Variants in BFSP1 observed in about 807,000 individuals in gnomAD.
The protein encoded by BFSP1 is filensin.
In BFSP1, 38 loss-of-function variants were observed where a neutral mutation model predicts 43.9. The observed-to-expected ratio is 0.87, with a 90% CI of 0.67 to 1.14. The LOEUF (loss-of-function observed/expected upper bound fraction) is 1.14, where lower values mean the gene tolerates loss of function less well. BFSP1 is among the 50% of genes most tolerant of loss of function. The pLI is 0.00. For missense variants in BFSP1, 850 were observed against 875.1 expected, an observed-to-expected ratio of 0.97 and a Z score of 0.36; for synonymous variants, 352 against 354.8, an observed-to-expected ratio of 0.99 and a Z score of 0.09.
chr20:17,514,721 CT>C lies in BFSP1; in HGVS notation c.533del (p.Lys178ArgfsTer26). The C allele has an allele frequency of 6.2e-7, 1 of 1,613,798 alleles. No individual in the cohort carries two copies. The highest frequency in any genetic ancestry group is 2.2e-5 in the East Asian group (1 of 44,862). On this transcript the variant is annotated frameshift_variant and splice_region_variant, in exon 3 of 8. Coordinates refer to ENST00000377873, the MANE Select transcript of BFSP1 (RefSeq NM_001195.5). LOFTEE classifies it high-confidence loss of function. ...DISAAKDRHK[K>X]NLLEVQTYIS... ...AAGGGCTTCAAGGGGTCATGATTAC[CT>C]TCTTGTGCCTGTCCTTTGCCGCACT...
chr20:17,506,102 G>C (rs1161062256), intron 5 of BFSP1, among the ~76,000 whole-genome samples: 2 of 152,164 alleles, frequency 1.3e-5, no homozygotes, highest in African/African-American at 4.8e-5. Flanking sequence ...TTCAGAGTTC[G>C]CTGCCGGCTC....
intron 1 of BFSP1, chr20:17,540,974 C>T (rs1296097795): frequency 2.6e-5 from 4 of 152,234 alleles, no homozygotes; most frequent in African/African-American, 9.6e-5. Context: ...TCTCATTCAG[C>T]AACTAGTTAA....
chr20:17,527,034 A>C (rs901258426), intron 1 of BFSP1, among the ~76,000 whole-genome samples: 16 of 152,274 alleles, frequency 1.1e-4, no homozygotes, highest in African/African-American at 3.9e-4. Context: ...AAGGTGCTAG[A>C]AAACCACACC....
intron 1 of BFSP1, among the ~76,000 whole-genome samples, chr20:17,549,426 C>T (rs1251757762): frequency 1.3e-5 from 2 of 152,126 alleles, no homozygotes; most frequent in Non-Finnish European, 2.9e-5. Flanking sequence ...GGGGCAAGCA[C>T]GTTTTACATC....
chr20:17,531,285 G>T lies in BFSP1; in HGVS notation c.45C>A (p.Tyr15Ter), dbSNP rs2034534120. The change falls in exon 1 of 8, where the codon TAC becomes TAA. Residue 15 changes from tyrosine (Y) to a stop codon, truncating the protein, a stop_gained. Coordinates refer to ENST00000377873, the MANE Select transcript of BFSP1 (RefSeq NM_001195.5). LOFTEE classifies it high-confidence loss of function. ...SYVFQTRKEQYEHADEASRAA... is the reference protein window; with the variant it reads ...SYVFQTRKEQ The stretch of plus-strand genomic sequence containing the variant: ...CGCGCGAAGCCTCGTCGGCGTGCTC[G>T]TACTGCTCCTTGCGGGTCTGGAAGA... 1.4e-6 allele frequency: 2 copies of T among 1,474,536 alleles called. No homozygotes were observed. Among genetic ancestry groups the T allele is most frequent in the South Asian group, 1.3e-5 (1 of 77,258 alleles). The allele number at this position is 1,474,536 out of a possible 1,614,324, so 91.3% of individuals were successfully genotyped here.
chr20:17,516,838 C>A, intron 2 of BFSP1: 1 of 623,864 alleles, frequency 1.6e-6, no homozygotes, highest in Non-Finnish European at 2.9e-6. Flanking sequence ...GGAGCTGCCA[C>A]CAAAATGCAG....
intron 1 of BFSP1, among the ~76,000 whole-genome samples, chr20:17,542,332 G>A (rs1023354256): frequency 6.6e-6 from 1 of 151,008 alleles, no homozygotes; most frequent in African/African-American, 2.4e-5. Context: ...GCTCATGCCT[G>A]TAATCCCTGC....
At position 17,531,214 on chromosome 20, in the gene BFSP1, G is replaced by A. The variant is rs761174568; in HGVS notation, c.116C>T (p.Thr39Met). The change falls in exon 1 of 8, where the codon ACG becomes ATG. Residue 39 changes from threonine to methionine, a missense_variant. Transcript: ENST00000377873. ...RPADEGWAGA[T>M]SLAALQGLGE... is the part of the protein sequence containing the mutation. ...GAGCCCCTGCAGCGCCGCCAGGCTC[G>A]TTGCCCCAGCCCAGCCCTCGTCGGC... The A allele has an allele frequency of 7.5e-7, 1 of 1,330,324 alleles. No homozygotes were observed. The highest frequency in any genetic ancestry group is 9.6e-7 in the Non-Finnish European group (1 of 1,041,180). 82.4% of individuals were successfully genotyped at this position (1,330,324 alleles called of 1,614,324 possible).
At position 17,507,932 on chromosome 20, in the gene BFSP1, C is replaced by T. The variant is rs73900902; in HGVS notation, c.735+957G>A. Among the ~76,000 whole-genome samples the T allele has an allele frequency of 1.3e-3, 194 of 152,210 alleles. No homozygotes were observed. The highest frequency in any genetic ancestry group is 4.5e-3 in the African/African-American group (185 of 41,534). ...TGGGATGGGAATTAGGATGTGAACT[C>T]CAAGGTCCCAAAATGAAATCCTGAG... On this transcript the variant is annotated intron_variant, in intron 5 of 7. Coordinates refer to ENST00000377873, the MANE Select transcript of BFSP1 (RefSeq NM_001195.5). The surrounding 1 kb of genome is among the most constrained non-coding windows in gnomAD (Gnocchi z 4.4).
intron 1 of BFSP1, among the ~76,000 whole-genome samples, chr20:17,528,698 A>G (rs1442485851): frequency 1.3e-5 from 2 of 152,220 alleles, no homozygotes; most frequent in Non-Finnish European, 2.9e-5. Flanking sequence ...TTCTGTAACA[A>G]GTGGATTTTC....
chr20:17,568,092 T>A (rs1004034608), intron 1 of BFSP1, among the ~76,000 whole-genome samples: 2 of 151,228 alleles, frequency 1.3e-5, no homozygotes, highest in Admixed American at 1.3e-4. Context: ...TAGTAAGAGG[T>A]GTTCTGGAAT....
In BFSP1 at chr20:17,540,732, G is replaced by T. The variant is rs147298116; in HGVS notation, c.3-15824C>A. On this transcript the variant is annotated intron_variant, in intron 1 of 7. Transcript: ENST00000377868. ...CTCCGGGTGCCTCTCATGTCCTCTA[G>T]CTTCCTGTAGGGTTTGGCAAATGGG... is the stretch of plus-strand genomic sequence containing the variant. Among the ~76,000 whole-genome samples, 4 of 152,096 alleles carry T rather than the reference G, an allele frequency of 2.6e-5. No individual in the cohort carries two copies. The South Asian group carries it at 8.3e-4, about 32-fold the overall frequency.
chr20:17,504,130 C>G (rs954259824), intron 5 of BFSP1, among the ~76,000 whole-genome samples: 3 of 152,160 alleles, frequency 2.0e-5, no homozygotes, highest in African/African-American at 7.2e-5. Context: ...TGCTGGAACA[C>G]TGCGGGAGGA....
intron 2 of BFSP1, among the ~76,000 whole-genome samples, 199 bp downstream of exon 2, chr20:17,524,647 TGA>T (rs2034381958): frequency 6.6e-6 from 1 of 152,052 alleles, no homozygotes; most frequent in South Asian, 2.1e-4. Context: ...GTTTCTCTCG[TGA>T]GAGAGGGGTG....
intron 2 of BFSP1, among the ~76,000 whole-genome samples, chr20:17,521,023 A>T (rs2034309586): frequency 6.6e-6 from 1 of 150,762 alleles, no homozygotes; most frequent in African/African-American, 2.4e-5. Context: ...AGAGAAAAGG[A>T]GAGGGAGATT....
intron 2 of BFSP1, chr20:17,516,931 C>A (rs901575479): frequency 9.6e-6 from 7 of 725,686 alleles, no homozygotes; most frequent in Non-Finnish European, 1.8e-5. Context: ...AAGGCCAAGA[C>A]CCAGGATAAG....
At chr20:17,532,982 C>A (rs557678864), upstream of BFSP1, among the ~76,000 whole-genome samples, 1 of 152,024 alleles carries the variant, frequency 6.6e-6, no homozygotes, top group African/African-American at 2.4e-5. Context: ...TAATAGATTC[C>A]GTCTGGAATA....
exon 1 of BFSP1, chr20:17,558,715 C>A: frequency 6.4e-7 from 1 of 1,551,958 alleles, no homozygotes; most frequent in Non-Finnish European, 8.7e-7. Context: ...GAGGCTCCTT[C>A]TGTGAAATTT....
chr20:17,496,423 C>T (rs1297883110), intron 7 of BFSP1, among the ~76,000 whole-genome samples: 1 of 152,208 alleles, frequency 6.6e-6, no homozygotes, highest in South Asian at 2.1e-4. Context: ...CATTTACCAG[C>T]CAAGCTGTTT....
Sources: gnomAD v4.1 joint callset for allele counts (sites outside exome capture counted in the v4.1 genomes callset) on GRCh38, gnomAD v4.1.1 for gene constraint, Gnocchi (gnomAD v3.1) non-coding constraint, MANE v1.5 for transcripts, NCBI Gene and HGNC (gene_info 2026-07-23, HGNC 2026-07-21) for gene names.